Variants in OCA2 observed in about 807,000 individuals in gnomAD.
OCA2 encodes P protein.
In OCA2, 77 loss-of-function variants were observed where a neutral mutation model predicts 100.2. That is an observed-to-expected ratio of 0.77 (90% CI 0.64 to 0.93). OCA2 has a LOEUF of 0.93. OCA2 is among the 40% of genes least tolerant of loss of function. OCA2 has a pLI of 0.00. For synonymous variants in OCA2, 432 were observed against 439.2 expected, an observed-to-expected ratio of 0.98 and a Z score of 0.21; for missense variants, 1,062 against 1,089.1, an observed-to-expected ratio of 0.98 and a Z score of 0.35.
chr15:27,964,945 T>C (rs955606644), intron 15 of OCA2, among the ~76,000 whole-genome samples: 2 of 152,184 alleles, frequency 1.3e-5, no homozygotes, highest in African/African-American at 4.8e-5. Context: ...TCAGGAACGG[T>C]GAGGAATTCA....
chr15:28,068,877 G>C lies in OCA2; in HGVS notation c.227+12771C>G, dbSNP rs549586936. On this transcript the variant is annotated intron_variant, in intron 2 of 23. Coordinates refer to ENST00000354638, the MANE Select transcript of OCA2 (RefSeq NM_000275.3). ...CTCAATAGATGCAGAAAAAGCTTTA[G>C]ATAAAATCCAACAGCCCCTCATGAT... 1.1e-3 allele frequency among the ~76,000 whole-genome samples: 169 copies of C among 152,254 alleles called. 2 individuals carry two copies. Among genetic ancestry groups the C allele is most frequent in the African/African-American group, 3.8e-3 (158 of 41,560 alleles).
intron 23 of OCA2, among the ~76,000 whole-genome samples, chr15:27,839,058 C>T (rs542175344): frequency 1.3e-5 from 2 of 151,906 alleles, no homozygotes; most frequent in South Asian, 4.2e-4. Flanking sequence ...TTAGTAAGTG[C>T]GTGGAGAAAG....
intron 23 of OCA2, among the ~76,000 whole-genome samples, chr15:27,770,852 TCCTTTCTTCCTTCCTTCCC>T (rs2031722818): frequency 1.2e-5 from 1 of 80,932 alleles, no homozygotes; most frequent in Admixed American, 1.2e-4. Context: ...TTTCCTTCCT[TCCTTTCTTCCTTCCTTCCC>T]TCCTTCCTTT....
At chr15:28,034,673 G>A (rs2141404191) in intron 2 of OCA2, among the ~76,000 whole-genome samples, 1 of 152,176 alleles carries the variant, frequency 6.6e-6, no homozygotes, top group East Asian at 1.9e-4. Context: ...TACTGGGAAG[G>A]CTGGTGGAAG....
intron 9 of OCA2, among the ~76,000 whole-genome samples, chr15:28,007,069 G>A (rs534127518): frequency 1.3e-5 from 2 of 152,318 alleles, no homozygotes; most frequent in South Asian, 4.1e-4. Context: ...GAAACACGAT[G>A]TTACACAAAG....
chr15:27,903,193 C>T (rs958565583), intron 19 of OCA2, among the ~76,000 whole-genome samples: 6 of 152,240 alleles, frequency 3.9e-5, no homozygotes, highest in South Asian at 2.1e-4. Context: ...TCGCCGGCGC[C>T]GTGAACCCTC....
intron 23 of OCA2, among the ~76,000 whole-genome samples, chr15:27,803,404 A>T (rs926941155): frequency 6.6e-6 from 1 of 152,238 alleles, no homozygotes; most frequent in African/African-American, 2.4e-5. Context: ...TTAAAAAGAA[A>T]GAAAATTCTC....
At chr15:27,725,827 T>G in the OCA2 span, among the ~76,000 whole-genome samples, 1 of 152,108 alleles carries the variant, frequency 6.6e-6, no homozygotes, top group Non-Finnish European at 1.5e-5. Flanking sequence ...TTTTCCTTGC[T>G]TTCTTAAAAA....
chr15:27,966,541 T>G (rs1013628558), intron 15 of OCA2, 149 bp downstream of exon 15: 1 of 807,436 alleles, frequency 1.2e-6, no homozygotes, highest in African/African-American at 1.7e-5. Flanking sequence ...CTGAAAACAG[T>G]GTATACTAGA....
the OCA2 span, among the ~76,000 whole-genome samples, chr15:27,720,492 T>C: frequency 6.6e-6 from 1 of 150,806 alleles, no homozygotes; most frequent in African/African-American, 2.4e-5. Context: ...TATGTATAGA[T>C]TCATCTATGA....
chr15:27,981,002 T>A (rs1221472511), intron 14 of OCA2, among the ~76,000 whole-genome samples: 1 of 152,228 alleles, frequency 6.6e-6, no homozygotes. Context: ...TTGCATATGT[T>A]AGGCCACTTG....
chr15:27,848,347 G>A (rs2035613094), intron 22 of OCA2, among the ~76,000 whole-genome samples: 2 of 152,232 alleles, frequency 1.3e-5, no homozygotes, highest in Admixed American at 1.3e-4. Flanking sequence ...GATTAAGAAT[G>A]TGAGCCTATT....
At chr15:27,854,312 G>GAAGCTGCAAAAGCAAATGCAAA (rs2035873585) in intron 21 of OCA2, among the ~76,000 whole-genome samples, 1 of 152,170 alleles carries the variant, frequency 6.6e-6, no homozygotes, top group African/African-American at 2.4e-5. Flanking sequence ...TCCAGACCAG[G>GAAGCTGCAAAAGCAAATGCAAA]AAGCTGCAGC....
intron 23 of OCA2, among the ~76,000 whole-genome samples, chr15:27,757,964 T>C (rs563895745): frequency 1.3e-5 from 2 of 152,308 alleles, no homozygotes; most frequent in Non-Finnish European, 2.9e-5. Flanking sequence ...AGAATTTTAC[T>C]CTCAAATTAA....
intron 2 of OCA2, among the ~76,000 whole-genome samples, chr15:28,057,480 T>C (rs1041361730): frequency 6.6e-6 from 1 of 151,926 alleles, no homozygotes; most frequent in Non-Finnish European, 1.5e-5. Flanking sequence ...GACCAGTGAA[T>C]CCCTTGGCCT....
At chr15:27,799,287 C>T (rs1167362321) in intron 23 of OCA2, among the ~76,000 whole-genome samples, 3 of 152,296 alleles carry the variant, frequency 2.0e-5, no homozygotes, top group South Asian at 4.1e-4. Flanking sequence ...GCAGTGAACA[C>T]GTAGAGGTCT....
At chr15:28,020,177 A>T (rs1322979846) in intron 6 of OCA2, among the ~76,000 whole-genome samples, 1 of 141,086 alleles carries the variant, frequency 7.1e-6, no homozygotes, top group African/African-American at 2.5e-5. Context: ...CCCTGCTGGG[A>T]GGGACTCAGG....
chr15:28,032,034 T>C (rs895914737), intron 3 of OCA2, 31 bp downstream of exon 3: 2 of 1,550,546 alleles, frequency 1.3e-6, no homozygotes, highest in African/African-American at 1.4e-5. Context: ...TCAGAAACTC[T>C]TACTTTCATA....
chr15:28,083,820 CT>C (rs2044724048), intron 1 of OCA2, among the ~76,000 whole-genome samples: 1 of 152,190 alleles, frequency 6.6e-6, no homozygotes, highest in African/African-American at 2.4e-5. Flanking sequence ...AACAAAGGGC[CT>C]CACAAATTAT....
Sources: allele counts gnomAD v4.1 joint callset (sites outside exome capture counted in the v4.1 genomes callset), GRCh38; gene constraint gnomAD v4.1.1; transcripts MANE v1.5; gene names NCBI Gene and HGNC (gene_info 2026-07-23, HGNC 2026-07-21).